Variants in KRT222 observed in about 807,000 individuals in gnomAD.
The protein encoded by KRT222 is keratin 222, also known as keratin-like protein KRT222.
Under a neutral mutation model 35.0 loss-of-function variants are expected in KRT222, and 23 were observed. That is an observed-to-expected ratio of 0.66 (90% CI 0.47 to 0.93). The LOEUF (loss-of-function observed/expected upper bound fraction) is 0.93. Ranked by LOEUF, KRT222 falls within the 40% of genes least tolerant of loss-of-function variation. The probability of loss-of-function intolerance (pLI) is 0.00; values close to 1 mark genes in which losing one functional copy is unlikely to be tolerated. For missense variants in KRT222, 339 were observed against 346.3 expected (o/e 0.98, Z 0.17); for synonymous variants, 108 against 118.8 (o/e 0.91, Z 0.59).
At chr17:40,658,692 C>A (rs1053006002) in intron 3 of KRT222, among the ~76,000 whole-genome samples, 2 of 152,086 alleles carry the variant, frequency 1.3e-5, no homozygotes, top group African/African-American at 4.8e-5. Context: ...TAATAAATGT[C>A]AAGATTTATT....
chr17:40,656,536 C>G lies in KRT222; in HGVS notation c.754G>C (p.Asp252His). The change falls in exon 6 of 6, where the codon GAT (aspartate) becomes CAT (histidine). Residue 252 changes from aspartate (D) to histidine (H), a missense_variant. Transcript: ENST00000394052. ...TCATCAGTGGCTGCTAAATGAAGAT[C>G]AAATCGAAGAGAAACAGACTTTTTC... Reference protein sequence around the residue: ...LRKKSVSLRFDLHLAATDEGC... With the variant: ...LRKKSVSLRFHLHLAATDEGC... 6.2e-7 allele frequency: 1 copy of G among 1,613,628 alleles called. No individual in the cohort carries two copies. Among genetic ancestry groups the G allele is most frequent in the South Asian group, 1.1e-5 (1 of 91,064 alleles).
Position 40,660,040 on chromosome 17 carries a change from C to G in KRT222, c.393G>C (p.Arg131Ser). Residue 131 changes from arginine to serine, a missense_variant, in exon 3 of 6, where the codon AGG becomes AGC. Arg to Ser is a moderately radical substitution (Grantham distance 110). Coordinates refer to ENST00000394052, the MANE Select transcript of KRT222 (RefSeq NM_152349.3). Reference protein sequence around the residue: ...EHEMLLNTKMRLEQEIATYRH... With the variant: ...EHEMLLNTKMSLEQEIATYRH... ...GATAAGTTGCTATTTCTTGTTCCAG[C>G]CTCATCTTCGTGTTGAGAAGCATCT... 6.2e-7 allele frequency: 1 copy of G among 1,614,174 alleles called. No individual in the cohort carries two copies. The highest frequency in any genetic ancestry group is 8.5e-7 in the Non-Finnish European group (1 of 1,180,028).
intron 1 of KRT222, among the ~76,000 whole-genome samples, chr17:40,664,489 TCA>T (rs1349805166): frequency 6.6e-6 from 1 of 152,222 alleles, no homozygotes; most frequent in African/African-American, 2.4e-5. Context: ...AATGCCATGT[TCA>T]CACACTCAGA....
At chr17:40,658,159 A>G (rs1054150394) in intron 3 of KRT222, among the ~76,000 whole-genome samples, 1 of 147,498 alleles carries the variant, frequency 6.8e-6, no homozygotes, top group Admixed American at 6.7e-5. Context: ...TTTTGGAACT[A>G]TTTTTCTTCT....
intron 5 of KRT222, 71 bp from the exon 6 acceptor site, chr17:40,656,701 C>T (rs185617132): frequency 3.9e-6 from 3 of 768,212 alleles, no homozygotes; most frequent in Non-Finnish European, 6.3e-6. Context: ...TTATATATTT[C>T]ATATCTATGG....
intron 3 of KRT222, among the ~76,000 whole-genome samples, chr17:40,658,233 C>G (rs1248314329): frequency 1.3e-5 from 2 of 150,680 alleles, no homozygotes; most frequent in East Asian, 3.9e-4. Context: ...TTGTATATCT[C>G]AAGTGTAGCC....
intron 2 of KRT222, 128 bp from the exon 3 acceptor site, chr17:40,660,335 C>T (rs2037374354): frequency 2.8e-6 from 2 of 711,906 alleles, no homozygotes; most frequent in East Asian, 2.7e-5. Context: ...GAGTGTAGTG[C>T]AATGCCATGA....
At position 40,665,135 on chromosome 17, in the gene KRT222, TATCG is replaced by T. The variant is rs2037413626; in HGVS notation, c.-40_-37del. 1.3e-6 allele frequency: 2 copies of T among 1,598,494 alleles called. No individual in the cohort carries two copies. The highest frequency in any genetic ancestry group is 1.7e-6 in the Non-Finnish European group (2 of 1,166,852). ...TCCTCCACCTTGGCTAACTGAACCT[TATCG>T]ATAGGATGAGTCGCTGCGGCAGTCT... On this transcript the variant is annotated 5_prime_UTR_variant, in exon 1 of 6. Transcript: ENST00000394052.
Position 40,656,327 on chromosome 17 carries a change from G to T in KRT222, c.*75C>A. The T allele has an allele frequency of 1.1e-6, 1 of 947,434 alleles. No individual in the cohort carries two copies. The highest frequency in any genetic ancestry group is 1.7e-6 in the Non-Finnish European group (1 of 588,720). The allele number at this position is 947,434 out of a possible 1,614,324, so 58.7% of individuals were successfully genotyped here. On this transcript the variant is annotated 3_prime_UTR_variant, in exon 6 of 6. Transcript: ENST00000394052. Reference sequence around the variant, plus strand: ...ATACATACGTAATAACTTACATTTTGGGACAGAGGGAGTTGGTATGGCCCA... The same window carrying T: ...ATACATACGTAATAACTTACATTTTTGGACAGAGGGAGTTGGTATGGCCCA...
intron 5 of KRT222, among the ~76,000 whole-genome samples, 166 bp from the exon 6 acceptor site, chr17:40,656,796 G>A: frequency 6.6e-6 from 1 of 151,972 alleles, no homozygotes; most frequent in East Asian, 1.9e-4. Context: ...AATTTCAAAG[G>A]AATTGTATGG....
chr17:40,665,168 C>CGG lies in KRT222; in HGVS notation c.-71_-70dup. 6.9e-7 allele frequency: 1 copy of CGG among 1,442,426 alleles called. No homozygotes were observed. Among genetic ancestry groups the CGG allele is most frequent in the Admixed American group, 1.7e-5 (1 of 59,662 alleles). 89.4% of individuals were successfully genotyped at this position (1,442,426 alleles called of 1,614,324 possible). On this transcript the variant is annotated 5_prime_UTR_variant, in exon 1 of 6. Coordinates refer to ENST00000394052, the MANE Select transcript of KRT222 (RefSeq NM_152349.3). ...GGATGAGTCGCTGCGGCAGTCTGCT[C>CGG]GGTCTGCGCGGAAGGCAGGGAGCCT...
Position 40,656,446 on chromosome 17 carries a change from A to T in KRT222, c.844T>A (p.Ser282Thr). 6.2e-7 allele frequency: 1 copy of T among 1,613,850 alleles called. No individual in the cohort carries two copies. Among genetic ancestry groups the T allele is most frequent in the Non-Finnish European group, 8.5e-7 (1 of 1,179,844 alleles). ...DIEVRLIMRR[S>T]CSIPSIKPPS... ...GGTTTGATAGAGGGAATACTGCATG[A>T]TCTTCTCATGATAAGCCTGACTTCT... The change falls in exon 6 of 6, where the codon TCA becomes ACA. Residue 282 changes from serine (S) to threonine (T), a missense_variant. Physicochemically the swap from Ser to Thr is moderately conservative, Grantham distance 58. Transcript: ENST00000394052.
chr17:40,657,814 G>A, intron 3 of KRT222, 64 bp from the exon 4 acceptor site: 3 of 1,088,106 alleles, frequency 2.8e-6, no homozygotes, highest in South Asian at 1.3e-5. Context: ...AAAACAAACA[G>A]GAGAATGGAT....
chr17:40,659,400 C>G (rs1002110932), intron 3 of KRT222, among the ~76,000 whole-genome samples: 1 of 152,090 alleles, frequency 6.6e-6, no homozygotes, highest in African/African-American at 2.4e-5. Context: ...ATCTTGAACT[C>G]CTGACCTCAG....
At chr17:40,661,883 C>T (rs762029123) in intron 2 of KRT222, 33 bp downstream of exon 2, 49 of 1,606,216 alleles carry the variant, frequency 3.1e-5, no homozygotes, top group South Asian at 9.0e-5. Context: ...TCTGAGGACT[C>T]GATGGGTCGG....
intron 4 of KRT222, 24 bp from the exon 5 acceptor site, chr17:40,657,511 T>C (rs1411948167): frequency 3.2e-6 from 5 of 1,553,470 alleles, no homozygotes; most frequent in Admixed American, 1.8e-5. Context: ...ATTTATGATA[T>C]ATTAAATTAC....
chr17:40,657,938 T>A (rs184103788), intron 3 of KRT222, among the ~76,000 whole-genome samples, 188 bp from the exon 4 acceptor site: 1 of 152,258 alleles, frequency 6.6e-6, no homozygotes, highest in African/African-American at 2.4e-5. Context: ...AAAAAAGAAG[T>A]TTTATAGTTT....
chr17:40,661,432 A>G (rs762786987), intron 2 of KRT222, among the ~76,000 whole-genome samples: 1 of 151,668 alleles, frequency 6.6e-6, no homozygotes, highest in Non-Finnish European at 1.5e-5. Context: ...ATGCCTGGCT[A>G]ATATTTTGTA....
intron 1 of KRT222, 95 bp from the exon 2 acceptor site, chr17:40,662,139 G>A: frequency 1.4e-6 from 2 of 1,479,778 alleles, no homozygotes; most frequent in Non-Finnish European, 1.8e-6. Flanking sequence ...AAATTGTATA[G>A]GAATCAAAGC....
Sources: gnomAD v4.1 joint callset for allele counts (sites outside exome capture counted in the v4.1 genomes callset) on GRCh38, gnomAD v4.1.1 for gene constraint, MANE v1.5 for transcripts, NCBI Gene and HGNC (gene_info 2026-07-23, HGNC 2026-07-21) for gene names.